The following KCND3 variants were observed in gnomAD, a reference collection of about 807,000 sequenced individuals.
KCND3 encodes the protein A-type voltage-gated potassium channel KCND3.
Under a neutral mutation model 51.1 loss-of-function variants are expected in KCND3, and 9 were observed. The observed-to-expected ratio is 0.18, with a 90% CI of 0.11 to 0.31. The LOEUF (loss-of-function observed/expected upper bound fraction) is 0.31. Ranked by LOEUF, KCND3 falls within the 10% of genes least tolerant of loss-of-function variation. The pLI, the probability that KCND3 is intolerant of heterozygous loss-of-function variation, is 1.00. For synonymous variants in KCND3, 349 were observed against 368.0 expected (o/e 0.95, Z 0.59); for missense variants, 526 against 903.8 (o/e 0.58, Z 5.36).
intron 2 of KCND3, among the ~76,000 whole-genome samples, chr1:111,955,388 T>C (rs1673277926): frequency 6.6e-6 from 1 of 152,194 alleles, no homozygotes; most frequent in Non-Finnish European, 1.5e-5. Context: ...CACTCCAGCC[T>C]GGGCAACGGA....
intron 2 of KCND3, among the ~76,000 whole-genome samples, chr1:111,959,252 C>A (rs1386019047): frequency 6.6e-6 from 1 of 152,164 alleles, no homozygotes; most frequent in African/African-American, 2.4e-5. Context: ...TCCCTCTAAC[C>A]CCCCATAAAC....
At chr1:111,961,700 GA>G (rs1387784368) in intron 2 of KCND3, among the ~76,000 whole-genome samples, 1 of 151,966 alleles carries the variant, frequency 6.6e-6, no homozygotes, top group Admixed American at 6.5e-5. Context: ...AGGGAGGCCA[GA>G]GGGGGGGCAT....
intron 1 of KCND3, among the ~76,000 whole-genome samples, chr1:111,986,421 G>A (rs1675289545): frequency 6.6e-6 from 1 of 152,188 alleles, no homozygotes; most frequent in South Asian, 2.1e-4. Context: ...TCCTGATCTA[G>A]GTGTTGCCCA....
At chr1:111,859,720 C>A (rs1668249340) in intron 2 of KCND3, among the ~76,000 whole-genome samples, 1 of 152,198 alleles carries the variant, frequency 6.6e-6, no homozygotes, top group African/African-American at 2.4e-5. Flanking sequence ...CCTCCACATG[C>A]CATTTGTTTC....
intron 2 of KCND3, among the ~76,000 whole-genome samples, chr1:111,845,286 C>A (rs1004219778): frequency 2.0e-5 from 3 of 152,162 alleles, no homozygotes; most frequent in Non-Finnish European, 2.9e-5. Flanking sequence ...CCTTTCTGAG[C>A]ACACCTCACA....
At chr1:111,893,353 G>T (rs1669939716) in intron 2 of KCND3, among the ~76,000 whole-genome samples, 1 of 152,144 alleles carries the variant, frequency 6.6e-6, no homozygotes, top group African/African-American at 2.4e-5. Context: ...AGTTTGCTGG[G>T]AACCAGGGTG....
At chr1:111,983,480 AT>A (rs997701776) in intron 1 of KCND3, among the ~76,000 whole-genome samples, 2 of 152,010 alleles carry the variant, frequency 1.3e-5, no homozygotes, top group African/African-American at 4.8e-5. Context: ...CTAGTATCAA[AT>A]TTTTCCCCTC....
At chr1:111,959,187 C>A (rs1450684289) in intron 2 of KCND3, among the ~76,000 whole-genome samples, 2 of 152,158 alleles carry the variant, frequency 1.3e-5, no homozygotes, top group Non-Finnish European at 2.9e-5. Context: ...GGGATTCGGT[C>A]GGTGGTGGAC....
chr1:111,935,352 G>T (rs1672168249), intron 2 of KCND3, among the ~76,000 whole-genome samples: 1 of 152,176 alleles, frequency 6.6e-6, no homozygotes, highest in African/African-American at 2.4e-5. Flanking sequence ...CTCTTGGCTT[G>T]TGGATTATTT....
intron 2 of KCND3, among the ~76,000 whole-genome samples, chr1:111,820,922 G>A (rs1158004730): frequency 6.6e-6 from 1 of 152,208 alleles, no homozygotes; most frequent in African/African-American, 2.4e-5. Context: ...GACCAGAAGA[G>A]AGGCAGGGGC....
At chr1:111,957,691 G>T (rs947598746) in intron 2 of KCND3, among the ~76,000 whole-genome samples, 2 of 152,170 alleles carry the variant, frequency 1.3e-5, no homozygotes, top group Admixed American at 6.5e-5. Flanking sequence ...CTGGTGTCAG[G>T]CTCCTGCCCT....
At chr1:111,788,495 G>A (rs1463961081) in intron 2 of KCND3, among the ~76,000 whole-genome samples, 1 of 152,174 alleles carries the variant, frequency 6.6e-6, no homozygotes, top group East Asian at 1.9e-4. Context: ...ACAGGTATTC[G>A]GTGAATGAAT....
At chr1:111,936,760 A>G (rs1672241618) in intron 2 of KCND3, among the ~76,000 whole-genome samples, 1 of 152,238 alleles carries the variant, frequency 6.6e-6, no homozygotes, top group Non-Finnish European at 1.5e-5. Context: ...TTTCCACCAC[A>G]GTGCTTCTAA....
chr1:111,838,303 C>A (rs1289813140), intron 2 of KCND3, among the ~76,000 whole-genome samples: 2 of 152,198 alleles, frequency 1.3e-5, no homozygotes, highest in Non-Finnish European at 2.9e-5. Context: ...CTGCTGTATG[C>A]AACTGGTAAT....
intron 2 of KCND3, among the ~76,000 whole-genome samples, chr1:111,914,448 T>C (rs1320732015): frequency 6.6e-6 from 1 of 152,136 alleles, no homozygotes; most frequent in Non-Finnish European, 1.5e-5. Flanking sequence ...AAGAAATGCA[T>C]TGAATTCCCA....
At chr1:111,976,572 A>G (rs527730155) in intron 2 of KCND3, among the ~76,000 whole-genome samples, 1 of 152,380 alleles carries the variant, frequency 6.6e-6, no homozygotes, top group East Asian at 1.9e-4. Flanking sequence ...TGAATCATGC[A>G]TGATCTCTGG....
At chr1:111,805,883 C>T (rs1020768839) in intron 2 of KCND3, among the ~76,000 whole-genome samples, 5 of 152,192 alleles carry the variant, frequency 3.3e-5, no homozygotes, top group African/African-American at 1.2e-4. Context: ...ACCAAGGTAT[C>T]CTGGAGCAGC....
At chr1:111,955,314 TG>T (rs1673273292) in intron 2 of KCND3, among the ~76,000 whole-genome samples, 1 of 151,996 alleles carries the variant, frequency 6.6e-6, no homozygotes, top group Admixed American at 6.6e-5. Context: ...CTTAGGAGGC[TG>T]GGGCGAGAGG....
rs568750112 is a variant in KCND3 at position 111,845,703 on chromosome 1, T to C, written c.1107-58597A>G. On this transcript the variant is annotated intron_variant, in intron 2 of 7. Transcript: ENST00000302127. ...CAGCCCTGTGAGGTGCTTCTATTAT[T>C]ATATCTTATTCATAGACAAACAGAG... Among the ~76,000 whole-genome samples, 7 of 152,328 alleles carry C rather than the reference T, an allele frequency of 4.6e-5. No individual in the cohort carries two copies. The South Asian group carries it at 1.2e-3, about 27-fold the overall frequency.
Sources: gnomAD v4.1 joint callset for allele counts (sites outside exome capture counted in the v4.1 genomes callset) on GRCh38, gnomAD v4.1.1 for gene constraint, MANE v1.5 for transcripts, NCBI Gene and HGNC (gene_info 2026-07-23, HGNC 2026-07-21) for gene names.